Variants in PDE1C observed in about 807,000 individuals in gnomAD.
The protein encoded by PDE1C is phosphodiesterase 1C.
In PDE1C, 62 loss-of-function variants were observed where a neutral mutation model predicts 93.1. The ratio of observed to expected loss-of-function variants is 0.67; its 90% CI spans 0.54 to 0.82. PDE1C has a LOEUF of 0.82. Ranked by LOEUF, PDE1C falls within the 40% of genes least tolerant of loss-of-function variation. The pLI, the probability that PDE1C is intolerant of heterozygous loss-of-function variation, is 0.00. For synonymous variants in PDE1C, 325 were observed against 310.1 expected (o/e 1.05, Z -0.50); for missense variants, 742 against 884.6 (o/e 0.84, Z 2.04).
intron 2 of PDE1C, among the ~76,000 whole-genome samples, chr7:32,041,531 C>A (rs757084605): frequency 6.6e-6 from 1 of 152,158 alleles, no homozygotes; most frequent in South Asian, 2.1e-4. Flanking sequence ...AGTGACCTCA[C>A]GAACTTTGAA....
At chr7:32,423,297 A>G (rs1057294545) in intron 1 of PDE1C, among the ~76,000 whole-genome samples, 1 of 152,198 alleles carries the variant, frequency 6.6e-6, no homozygotes, top group Non-Finnish European at 1.5e-5. Flanking sequence ...GGATTGCTTA[A>G]GCACAGGAGG....
chr7:32,229,714 G>A (rs1807553948), intron 1 of PDE1C, among the ~76,000 whole-genome samples: 1 of 152,210 alleles, frequency 6.6e-6, no homozygotes, highest in Non-Finnish European at 1.5e-5. Flanking sequence ...GCCCAAAGAG[G>A]GAAAGTGAGT....
At chr7:32,096,820 A>AGATAGAT (rs1554502436) in intron 3 of PDE1C, among the ~76,000 whole-genome samples, 27 of 144,592 alleles carry the variant, frequency 1.9e-4, no homozygotes, top group East Asian at 6.2e-4. Context: ...AGGGGATAGA[A>AGATAGAT]AGATAGATAG....
the PDE1C span, among the ~76,000 whole-genome samples, chr7:31,709,702 T>G: frequency 6.6e-6 from 1 of 152,136 alleles, no homozygotes; most frequent in South Asian, 2.1e-4. Context: ...CTGGGTGACT[T>G]GGGTGGAAGC....
At chr7:31,969,432 C>T (rs1044801116) in intron 2 of PDE1C, among the ~76,000 whole-genome samples, 2 of 152,088 alleles carry the variant, frequency 1.3e-5, no homozygotes, top group African/African-American at 4.8e-5. Flanking sequence ...CAAATCAAAA[C>T]CACAACGAGA....
At chr7:31,642,090 G>C in the PDE1C span, 1 of 794,532 alleles carries the variant, frequency 1.3e-6, no homozygotes, top group African/African-American at 1.7e-5. Context: ...GATCCATGGT[G>C]TGTCAGGCAC....
chr7:32,091,884 G>C (rs1419862694), intron 3 of PDE1C, among the ~76,000 whole-genome samples: 3 of 152,166 alleles, frequency 2.0e-5, no homozygotes, highest in Non-Finnish European at 2.9e-5. Flanking sequence ...GAAAGTCCAG[G>C]TAAGAGGCTA....
intron 3 of PDE1C, among the ~76,000 whole-genome samples, chr7:32,163,069 T>G (rs1427805718): frequency 6.6e-6 from 1 of 152,216 alleles, no homozygotes; most frequent in African/African-American, 2.4e-5. Context: ...GCAAATGATT[T>G]GGATTTGCAA....
intron 1 of PDE1C, among the ~76,000 whole-genome samples, chr7:32,230,898 C>T (rs368429762): frequency 6.7e-6 from 1 of 148,278 alleles, no homozygotes; most frequent in Non-Finnish European, 1.5e-5. Context: ...GATCTCTGTG[C>T]AACTATCTTT....
chr7:31,743,566 T>C, the PDE1C span, among the ~76,000 whole-genome samples: 1 of 149,830 alleles, frequency 6.7e-6, no homozygotes, highest in African/African-American at 2.5e-5. Flanking sequence ...AGTGTGTGTG[T>C]GTGTGTGCGC....
intron 2 of PDE1C, among the ~76,000 whole-genome samples, chr7:31,967,392 C>T (rs775058689): frequency 1.3e-5 from 2 of 152,164 alleles, no homozygotes; most frequent in Non-Finnish European, 2.9e-5. Context: ...CACATACACT[C>T]TCCCAAGACT....
At chr7:31,967,558 T>C (rs1270071035) in intron 2 of PDE1C, among the ~76,000 whole-genome samples, 7 of 152,218 alleles carry the variant, frequency 4.6e-5, no homozygotes, top group South Asian at 2.1e-4. Flanking sequence ...CCATTCCTTC[T>C]AAAACTATTC....
At chr7:31,651,456 G>A in the PDE1C span, among the ~76,000 whole-genome samples, 1 of 152,104 alleles carries the variant, frequency 6.6e-6, no homozygotes, top group Non-Finnish European at 1.5e-5. Context: ...TTGCTAGATA[G>A]CAATACTTAT....
chr7:31,656,491 A>C, the PDE1C span: 1 of 982,368 alleles, frequency 1.0e-6, no homozygotes, highest in Non-Finnish European at 1.2e-6. Flanking sequence ...GAACTCAATA[A>C]ATGCTAACTG....
intron 9 of PDE1C, among the ~76,000 whole-genome samples, chr7:31,840,678 GTTGAAAATATTTTCT>G (rs1791745962): frequency 6.6e-6 from 1 of 151,978 alleles, no homozygotes; most frequent in African/African-American, 2.4e-5. Context: ...AAAACCATTT[GTTGAAAATATTTTCT>G]TTTCCCCATT....
At chr7:31,620,128 C>T in the PDE1C span, among the ~76,000 whole-genome samples, 56,004 of 152,106 alleles carry the variant, frequency 0.37, 10,859 homozygotes, top group Middle Eastern at 0.46. Flanking sequence ...GTGGAGCCCA[C>T]CACAGCTCAA....
chr7:31,694,786 C>A, the PDE1C span, among the ~76,000 whole-genome samples: 1 of 152,060 alleles, frequency 6.6e-6, no homozygotes, highest in Non-Finnish European at 1.5e-5. Context: ...GGATTCATTA[C>A]CCGTAACGAC....
chr7:32,407,678 A>G (rs866644586), intron 1 of PDE1C, among the ~76,000 whole-genome samples: 4 of 152,212 alleles, frequency 2.6e-5, no homozygotes, highest in African/African-American at 9.6e-5. Context: ...TTTCTCACTT[A>G]AAATATCTCA....
intron 1 of PDE1C, chr7:32,298,582 G>A: frequency 6.6e-7 from 1 of 1,526,582 alleles, no homozygotes; most frequent in South Asian, 1.2e-5. Flanking sequence ...GCTTAGAAAG[G>A]AACTCTGACC....
Sources: gnomAD v4.1 joint callset for allele counts (sites outside exome capture counted in the v4.1 genomes callset) on GRCh38, gnomAD v4.1.1 for gene constraint, MANE v1.5 for transcripts, NCBI Gene and HGNC (gene_info 2026-07-23, HGNC 2026-07-21) for gene names.